The following C12orf42 variants were observed in gnomAD, a reference collection of about 807,000 sequenced individuals.
C12orf42 encodes the protein chromosome 12 open reading frame 42.
Under a neutral mutation model 21.6 loss-of-function variants are expected in C12orf42, and 25 were observed. The ratio of observed to expected loss-of-function variants is 1.16; its 90% CI spans 0.84 to 1.62. C12orf42 has a LOEUF of 1.62. Among genes scored for constraint, C12orf42 ranks in the 40% most tolerant of loss-of-function variants. C12orf42 has a pLI of 0.00. For synonymous variants in C12orf42, 174 were observed against 175.0 expected (o/e 0.99, Z 0.05); for missense variants, 483 against 459.3 (o/e 1.05, Z -0.47).
At chr12:103,423,339 A>C (rs918646101) in intron 2 of C12orf42, among the ~76,000 whole-genome samples, 6 of 152,248 alleles carry the variant, frequency 3.9e-5, no homozygotes, top group East Asian at 1.9e-4. Context: ...GCAGTAATTG[A>C]AAATGAACAC....
chr12:103,209,229 T>C, the C12orf42 span, among the ~76,000 whole-genome samples: 1 of 152,320 alleles, frequency 6.6e-6, no homozygotes, highest in East Asian at 1.9e-4. Flanking sequence ...ACTTAAATAA[T>C]GTGTAATGAG....
chr12:103,199,676 C>T, the C12orf42 span, among the ~76,000 whole-genome samples: 1 of 152,122 alleles, frequency 6.6e-6, no homozygotes. Context: ...AAACATTTCT[C>T]TGAAGAAGAC....
rs146290317 is a variant in C12orf42, at chr12:103,337,774, T to A, written c.259+31113A>T. Among the ~76,000 whole-genome samples, 535 of 152,196 alleles carry A rather than the reference T, an allele frequency of 3.5e-3. 6 individuals are homozygous for A. The highest frequency in any genetic ancestry group is 0.012 in the African/African-American group (513 of 41,530). On this transcript the variant is annotated intron_variant, in intron 4 of 5. Transcript: ENST00000548883. ...TATTCTCCTCAGAACAAAACCTCAT[T>A]CCCAGCCCAATACTTACACCACTAA...
the C12orf42 span, among the ~76,000 whole-genome samples, chr12:103,231,544 T>G: frequency 3.6e-3 from 551 of 152,352 alleles, 5 homozygotes; most frequent in Admixed American, 5.4e-3. Flanking sequence ...GAATATCGTA[T>G]AGTTGGAATC....
upstream of C12orf42, among the ~76,000 whole-genome samples, chr12:103,497,056 A>T (rs1181687326): frequency 6.6e-6 from 1 of 152,176 alleles, no homozygotes; most frequent in African/African-American, 2.4e-5. Flanking sequence ...TAATTTCTAG[A>T]TAGAAACACC....
At chr12:103,048,271 A>G in the C12orf42 span, among the ~76,000 whole-genome samples, 1 of 152,210 alleles carries the variant, frequency 6.6e-6, no homozygotes, top group Non-Finnish European at 1.5e-5. Context: ...CTCACCTCTA[A>G]CGGCAATCAT....
chr12:103,179,378 T>C, the C12orf42 span, among the ~76,000 whole-genome samples: 2 of 152,212 alleles, frequency 1.3e-5, no homozygotes, highest in Non-Finnish European at 2.9e-5. Flanking sequence ...GAATGACCTT[T>C]CAAGGCAGTG....
At chr12:103,327,848 G>C (rs182847934) in intron 4 of C12orf42, among the ~76,000 whole-genome samples, 34 of 152,298 alleles carry the variant, frequency 2.2e-4, no homozygotes, top group Admixed American at 1.3e-3. Flanking sequence ...TTCAGTATCT[G>C]GGAAAGAGTA....
chr12:103,049,210 C>T, the C12orf42 span, among the ~76,000 whole-genome samples: 3 of 152,306 alleles, frequency 2.0e-5, no homozygotes, highest in South Asian at 4.1e-4. Context: ...CAACAAAAAT[C>T]GTGTGCCTTC....
At chr12:103,357,164 G>A (rs1325428390) in intron 4 of C12orf42, among the ~76,000 whole-genome samples, 4 of 138,020 alleles carry the variant, frequency 2.9e-5, no homozygotes, top group Non-Finnish European at 6.3e-5. Context: ...GGGGGAGGGA[G>A]AGGGATGGCA....
At chr12:103,168,250 G>A in the C12orf42 span, 3 of 326,020 alleles carry the variant, frequency 9.2e-6, no homozygotes, top group African/African-American at 6.6e-5. Flanking sequence ...TTTATTCAGT[G>A]TATAATATTG....
intron 2 of C12orf42, among the ~76,000 whole-genome samples, chr12:103,469,239 GCT>G (rs766893016): frequency 1.4e-4 from 21 of 152,326 alleles, no homozygotes; most frequent in Admixed American, 1.2e-3. Context: ...GAACCTTCAA[GCT>G]CTCTTTTTTG....
At chr12:103,453,730 T>C (rs1161591870) in intron 2 of C12orf42, among the ~76,000 whole-genome samples, 2 of 152,100 alleles carry the variant, frequency 1.3e-5, no homozygotes, top group African/African-American at 4.8e-5. Flanking sequence ...CTCTTCTTGA[T>C]TGCAATTTTT....
chr12:103,198,201 A>G, the C12orf42 span, among the ~76,000 whole-genome samples: 61,656 of 152,038 alleles, frequency 0.41, 13,093 homozygotes, highest in South Asian at 0.49. Flanking sequence ...CCGTGGGTGA[A>G]TGAGTGCCAG....
At chr12:103,289,289 G>T (rs1477944292) in intron 4 of C12orf42, among the ~76,000 whole-genome samples, 1 of 152,002 alleles carries the variant, frequency 6.6e-6, no homozygotes, top group Non-Finnish European at 1.5e-5. Context: ...TGGGATCTCT[G>T]ATGTCCATTT....
At chr12:103,361,512 C>T (rs1359190000) in intron 4 of C12orf42, among the ~76,000 whole-genome samples, 5 of 152,116 alleles carry the variant, frequency 3.3e-5, no homozygotes, top group East Asian at 3.9e-4. Context: ...CAACCCAATG[C>T]GAAATCTCCT....
rs183570807 is a variant in C12orf42, at chr12:103,262,808, T to C, written c.*1366+518A>G. On this transcript the variant is annotated intron_variant and NMD_transcript_variant, in intron 10 of 10. Transcript: ENST00000547347. ...CCCAGCAATCCCATTACTGGGTATA[T>C]ACCCAAAGGATTATAAATCATGCTA... Among the ~76,000 whole-genome samples, 319 of 152,276 alleles carry C rather than the reference T, an allele frequency of 2.1e-3. 3 individuals are homozygous for C. Among genetic ancestry groups the C allele is most frequent in the Non-Finnish European group, 4.7e-4 (32 of 68,032 alleles).
the C12orf42 span, among the ~76,000 whole-genome samples, chr12:103,517,496 AAGTTCAAAG>A: frequency 6.6e-6 from 1 of 152,210 alleles, no homozygotes. Flanking sequence ...AGTCCACCTG[AAGTTCAAAG>A]AGTGGCAGGA....
the C12orf42 span, among the ~76,000 whole-genome samples, chr12:103,085,248 G>C: frequency 1.3e-5 from 2 of 152,224 alleles, no homozygotes; most frequent in African/African-American, 4.8e-5. Flanking sequence ...CTACACATTT[G>C]CTTCTAATTC....
Sources: allele counts gnomAD v4.1 joint callset (sites outside exome capture counted in the v4.1 genomes callset), GRCh38; gene constraint gnomAD v4.1.1; transcripts MANE v1.5; gene names NCBI Gene and HGNC (gene_info 2026-07-23, HGNC 2026-07-21).